TUBGCP2: variants seen among roughly 807,000 people sequenced by gnomAD.
TUBGCP2 encodes tubulin gamma complex component 2.
A neutral mutation model predicts 92.2 loss-of-function variants in TUBGCP2; 55 were observed. The observed-to-expected ratio is 0.60, with a 90% confidence interval of 0.48 to 0.75. The LOEUF (loss-of-function observed/expected upper bound fraction) is 0.75. Among genes scored for constraint, TUBGCP2 ranks in the 30% least tolerant of loss-of-function variants. The pLI is 0.00. For missense variants in TUBGCP2, 1,093 were observed against 1,188.9 expected, an observed-to-expected ratio of 0.92 and a Z score of 1.19; for synonymous variants, 533 against 505.2, an observed-to-expected ratio of 1.06 and a Z score of -0.74.
Position 133,288,298 on chromosome 10 carries a change from C to A in TUBGCP2, c.1553G>T (p.Arg518Leu). 2 of 1,613,354 alleles carry A rather than the reference C, an allele frequency of 1.2e-6. No homozygotes were observed. The highest frequency in any genetic ancestry group is 2.2e-5 in the South Asian group (2 of 91,084). Residue 518 changes from arginine (R) to leucine (L), a missense_variant, in exon 11 of 18, where the codon CGC becomes CTC. Coordinates refer to ENST00000252936, the MANE Select transcript of TUBGCP2 (RefSeq NM_006659.4). ...GTCGCCCTGGTCCATGAGGAAGTAG[C>A]GCTTGATGGACCTGCGCCAGGGAGC... ...ELVAHLRSIK[R>L]YFLMDQGDFF...
At chr10:133,297,921 G>A (rs534082190) in intron 5 of TUBGCP2, 31 bp downstream of exon 5, 165 of 1,606,610 alleles carry the variant, frequency 1.0e-4, no homozygotes, top group East Asian at 6.5e-4. Context: ...CGTACCTATC[G>A]GCAGAGCCCG....
intron 16 of TUBGCP2, 106 bp from the exon 17 acceptor site, chr10:133,281,542 T>C: frequency 7.3e-7 from 1 of 1,367,034 alleles, no homozygotes; most frequent in African/African-American, 1.5e-5. Flanking sequence ...CCCCTTTTCT[T>C]AAATAGAAAA....
chr10:133,283,805 G>A (rs2136110170), intron 14 of TUBGCP2, 77 bp downstream of exon 14: 1 of 1,582,592 alleles, frequency 6.3e-7, no homozygotes, highest in African/African-American at 1.3e-5. Context: ...CCCTCGCCCT[G>A]CCTCTCCTGC....
chr10:133,302,493 G>GC (rs1589836406), intron 2 of TUBGCP2: 100 of 387,012 alleles, frequency 2.6e-4, no homozygotes, highest in African/African-American at 1.3e-3. Context: ...CCTGCACCCT[G>GC]ACCCAGGGGC....
intron 11 of TUBGCP2, among the ~76,000 whole-genome samples, 196 bp downstream of exon 11, chr10:133,287,933 C>T (rs1241304128): frequency 6.6e-6 from 1 of 152,220 alleles, no homozygotes; most frequent in African/African-American, 2.4e-5. Flanking sequence ...AACCCGAGAC[C>T]CGCGCCCCTC....
At chr10:133,311,878 C>T (rs1171166429), upstream of TUBGCP2, 11 of 1,613,160 alleles carry the variant, frequency 6.8e-6, no homozygotes, top group Non-Finnish European at 7.6e-6. Context: ...CCGTTCTCAA[C>T]ATGTGTTCGG....
intron 2 of TUBGCP2, chr10:133,300,472 G>T (rs1847616038): frequency 9.6e-6 from 2 of 208,518 alleles, no homozygotes; most frequent in Non-Finnish European, 9.9e-6. Context: ...TACTTGGGAA[G>T]CTGAGATGGG....
intron 11 of TUBGCP2, 48 bp downstream of exon 11, chr10:133,288,081 C>T (rs1426300735): frequency 4.4e-6 from 7 of 1,578,964 alleles, no homozygotes; most frequent in Middle Eastern, 3.5e-4. Flanking sequence ...CCTCCCAGCC[C>T]CTCCGAGGCC....
At chr10:133,310,373 C>A, upstream of TUBGCP2, 3 of 1,550,352 alleles carry the variant, frequency 1.9e-6, no homozygotes, top group Non-Finnish European at 2.6e-6. Flanking sequence ...GACGGTCAGA[C>A]TTATTAAGCA....
intron 6 of TUBGCP2, 75 bp from the exon 7 acceptor site, chr10:133,293,313 A>G (rs1847409226): frequency 6.5e-7 from 1 of 1,533,422 alleles, no homozygotes; most frequent in African/African-American, 1.4e-5. Context: ...TCTGAGTCTC[A>G]TCCCAAACAG....
intron 4 of TUBGCP2, among the ~76,000 whole-genome samples, chr10:133,299,166 C>T (rs1455412637): frequency 1.3e-5 from 2 of 152,190 alleles, no homozygotes; most frequent in African/African-American, 4.8e-5. Context: ...GGCAGCACAA[C>T]TCCCACGTGG....
intron 7 of TUBGCP2, 78 bp downstream of exon 7, chr10:133,292,961 G>T: frequency 6.6e-7 from 1 of 1,508,692 alleles, no homozygotes; most frequent in South Asian, 1.2e-5. Context: ...GGCCCCTGCA[G>T]AGTCTCTCCT....
At position 133,281,257 on chromosome 10, in the gene TUBGCP2, G is replaced by A; in HGVS notation, c.2573+16C>T. The A allele has an allele frequency of 1.2e-6, 2 of 1,607,666 alleles. No individual in the cohort carries two copies. The highest frequency in any genetic ancestry group is 1.7e-6 in the Non-Finnish European group (2 of 1,179,508). On this transcript the variant is annotated intron_variant, in intron 17 of 17. Transcript: ENST00000252936. Reference sequence around the variant, plus strand: ...CTGAGCTGAGGAAGGGCTGAGCCGGGGTGGCGCCCACCCACCTGGAGATGA... The same window carrying A: ...CTGAGCTGAGGAAGGGCTGAGCCGGAGTGGCGCCCACCCACCTGGAGATGA...
rs1226566329 is a variant in TUBGCP2, at chr10:133,279,837, C to T, written c.2638G>A (p.Ala880Thr). The T allele has an allele frequency of 1.3e-6, 2 of 1,596,580 alleles. No homozygotes were observed. Among genetic ancestry groups the T allele is most frequent in the Non-Finnish European group, 1.7e-6 (2 of 1,172,800 alleles). Residue 880 changes from alanine to threonine, a missense_variant, in exon 18 of 18, where the codon GCC becomes ACC. By Grantham distance (58) the Ala-to-Thr change is moderately conservative. Transcript: ENST00000252936. ...ERLSAERSQK[A>T]TPQVPVLRGP... Reference sequence around the variant, plus strand: ...CGCAGGACAGGCACTTGGGGGGTGGCCTTCTGGCTCCTCTCTGCAGACAGG... The same window carrying T: ...CGCAGGACAGGCACTTGGGGGGTGGTCTTCTGGCTCCTCTCTGCAGACAGG...
At chr10:133,286,688 A>G (rs1185305870) in intron 11 of TUBGCP2, among the ~76,000 whole-genome samples, 1 of 152,248 alleles carries the variant, frequency 6.6e-6, no homozygotes, top group African/African-American at 2.4e-5. Context: ...CTGAAATCAC[A>G]AAAAGTCTGT....
chr10:133,280,601 A>G (rs1214753346), intron 17 of TUBGCP2, among the ~76,000 whole-genome samples: 1 of 152,218 alleles, frequency 6.6e-6, no homozygotes, highest in East Asian at 1.9e-4. Flanking sequence ...GCCCAGTTGC[A>G]CAGAATGTCA....
In TUBGCP2 at chr10:133,279,810, C is replaced by T; in HGVS notation, c.2665G>A (p.Gly889Arg). Reference sequence around the variant, plus strand: ...ACCCTGGGTGCAGGAGCCGGGGGCCCCCGCAGGACAGGCACTTGGGGGGTG... The same window carrying T: ...ACCCTGGGTGCAGGAGCCGGGGGCCTCCGCAGGACAGGCACTTGGGGGGTG... ...KATPQVPVLR[G>R]PPAPAPRVAV... The change falls in exon 18 of 18, where the codon GGG becomes AGG. Residue 889 changes from glycine (G) to arginine (R), a missense_variant. Physicochemically the swap from Gly to Arg is moderately radical, Grantham distance 125. This residue lies in a region of TUBGCP2 where 598 missense variants were observed against 675.5 expected (regional missense o/e 0.89). Transcript: ENST00000252936. The T allele has an allele frequency of 6.3e-7, 1 of 1,580,304 alleles. No homozygotes were observed.
Position 133,288,287 on chromosome 10 carries a change from T to C in TUBGCP2, c.1564A>G (p.Met522Val), listed in dbSNP as rs760960179. ...TGCACGAAGAAGTCGCCCTGGTCCA[T>C]GAGGAAGTAGCGCTTGATGGACCTG... is the stretch of plus-strand genomic sequence containing the variant. ...HLRSIKRYFLMDQGDFFVHFM... is the reference protein window; with the variant it reads ...HLRSIKRYFLVDQGDFFVHFM... The change falls in exon 11 of 18, where the codon ATG becomes GTG. Residue 522 changes from methionine (M) to valine (V), a missense_variant. Met to Val is a conservative substitution (Grantham distance 21, BLOSUM62 1). Coordinates refer to ENST00000252936, the MANE Select transcript of TUBGCP2 (RefSeq NM_006659.4). The C allele has an allele frequency of 8.1e-6, 13 of 1,613,254 alleles. No individual in the cohort carries two copies. In the African/African-American group the frequency reaches 9.3e-5, roughly 12 times the overall value.
At chr10:133,311,630 A>T, upstream of TUBGCP2, 1 of 1,170,038 alleles carries the variant, frequency 8.5e-7, no homozygotes, top group Non-Finnish European at 1.2e-6. Flanking sequence ...AGGGAAATCC[A>T]GTTTCTTTCT....
Sources: allele counts gnomAD v4.1 joint callset (sites outside exome capture counted in the v4.1 genomes callset), GRCh38; gene constraint gnomAD v4.1.1; regional missense constraint gnomAD v4.1.1; transcripts MANE v1.5; gene names NCBI Gene and HGNC (gene_info 2026-07-23, HGNC 2026-07-21).